Variants in RP1 observed in about 807,000 individuals in gnomAD.
The protein encoded by RP1 is RP1 axonemal microtubule associated.
Under a neutral mutation model 14.8 loss-of-function variants are expected in RP1, and 16 were observed. That is an observed-to-expected ratio of 1.08 (90% CI 0.73 to 1.65). The LOEUF is 1.65. Ranked by LOEUF, RP1 falls within the 40% of genes most tolerant of loss-of-function variation. The pLI, the probability that RP1 is intolerant of heterozygous loss-of-function variation, is 0.00. For synonymous variants in RP1, 876 were observed against 883.6 expected, an observed-to-expected ratio of 0.99 and a Z score of 0.15; for missense variants, 2,631 against 2,535.0, an observed-to-expected ratio of 1.04 and a Z score of -0.81.
At chr8:54,741,064 A>C (rs1809072772) in intron 19 of RP1, among the ~76,000 whole-genome samples, 1 of 152,110 alleles carries the variant, frequency 6.6e-6, no homozygotes, top group South Asian at 2.1e-4. Context: ...ATGGAATAAG[A>C]ATATAAAGAA....
chr8:54,650,518 AATCACT>A (rs1323667328), intron 4 of RP1, among the ~76,000 whole-genome samples: 1 of 152,190 alleles, frequency 6.6e-6, no homozygotes, highest in East Asian at 1.9e-4. Context: ...GTTATTCAAC[AATCACT>A]ATCTACTTTC....
chr8:54,621,029 T>G lies in RP1; in HGVS notation c.63T>G (p.Val21=), dbSNP rs752904456. ...ATCCTACGTCTTCTGAAGGTCAAGT[T>G]CCACCCCCTCGCCATTTGAGCCTCA... ...IIHPTSSEGQ[V]PPPRHLSLTH... is the part of the protein sequence containing the mutation. Residue 21 remains valine (V), a synonymous_variant, in exon 2 of 4, where the codon GTT becomes GTG. Transcript: ENST00000220676. 6.2e-7 allele frequency: 1 copy of G among 1,614,134 alleles called. No individual in the cohort carries two copies.
Position 54,621,348 on chromosome 8 carries a change from C to A in RP1, c.382C>A (p.Leu128Ile), listed in dbSNP as rs147116231. Reference protein sequence around the residue: ...DKARRRPRPWLSSRAISAHSP... With the variant: ...DKARRRPRPWISSRAISAHSP... ...AGCCCGTCGGCGCCCGCGGCCCTGG[C>A]TCAGCAGCCGGGCCATTAGCGCGCA... Residue 128 changes from leucine to isoleucine, a missense_variant, in exon 2 of 4, where the codon CTC (leucine) becomes ATC (isoleucine). Physicochemically the swap from Leu to Ile is conservative, Grantham distance 5. Coordinates refer to ENST00000220676, the MANE Select transcript of RP1 (RefSeq NM_006269.2). 4.9e-4 allele frequency: 788 copies of A among 1,611,730 alleles called. 4 individuals are homozygous for A. The African/African-American group carries it at 9.4e-3, about 19-fold the overall frequency.
chr8:54,774,683 CT>C (rs943380487), downstream of RP1, among the ~76,000 whole-genome samples: 2 of 151,784 alleles, frequency 1.3e-5, no homozygotes, highest in Non-Finnish European at 2.9e-5. Flanking sequence ...TGGCTCACAC[CT>C]TTTTTTTGGT....
intron 1 of RP1, among the ~76,000 whole-genome samples, chr8:54,606,446 C>A (rs1161960892): frequency 6.6e-6 from 1 of 151,928 alleles, no homozygotes; most frequent in Non-Finnish European, 1.5e-5. Context: ...TTGTGGGTAA[C>A]CCGACCTTTC....
intron 17 of RP1, among the ~76,000 whole-genome samples, chr8:54,726,920 C>T (rs547151919): frequency 6.6e-6 from 1 of 152,000 alleles, no homozygotes; most frequent in South Asian, 2.1e-4. Context: ...TATATTGGTC[C>T]ATTTGATAAT....
At chr8:54,722,395 C>T (rs1469306739) in intron 16 of RP1, among the ~76,000 whole-genome samples, 3 of 151,756 alleles carry the variant, frequency 2.0e-5, no homozygotes, top group Non-Finnish European at 4.4e-5. Context: ...CTCAGCCTCC[C>T]GAGTATCTGG....
intron 27 of RP1, among the ~76,000 whole-genome samples, chr8:54,862,460 T>C (rs1563399572): frequency 6.6e-6 from 1 of 152,188 alleles, no homozygotes; most frequent in Admixed American, 6.6e-5. Context: ...TAACTGAATT[T>C]CTTTGTCTGT....
At chr8:54,580,797 T>G (rs1241270717) in intron 1 of RP1, among the ~76,000 whole-genome samples, 1 of 151,890 alleles carries the variant, frequency 6.6e-6, no homozygotes, top group East Asian at 1.9e-4. Flanking sequence ...TTTTGTATTT[T>G]TAGTAGAGAC....
chr8:54,825,342 C>T (rs577237577), intron 24 of RP1, among the ~76,000 whole-genome samples: 1 of 152,122 alleles, frequency 6.6e-6, no homozygotes, highest in African/African-American at 2.4e-5. Context: ...CTGCCTTCAA[C>T]GTTCTTATTC....
At chr8:54,850,246 A>C (rs1812029227) in intron 25 of RP1, among the ~76,000 whole-genome samples, 3 of 152,212 alleles carry the variant, frequency 2.0e-5, no homozygotes, top group Admixed American at 6.5e-5. Flanking sequence ...CCTGAATGAC[A>C]GGTATTAGTA....
At chr8:54,824,974 AT>A (rs1811352547) in intron 24 of RP1, among the ~76,000 whole-genome samples, 1 of 148,408 alleles carries the variant, frequency 6.7e-6, no homozygotes, top group African/African-American at 2.5e-5. Flanking sequence ...TTTTTTTTTA[AT>A]TTATTTATGA....
intron 1 of RP1, among the ~76,000 whole-genome samples, chr8:54,584,825 C>T (rs941630362): frequency 2.0e-5 from 3 of 152,126 alleles, no homozygotes; most frequent in Non-Finnish European, 4.4e-5. Context: ...ATTGCAACCC[C>T]TGCCTTTTTT....
At chr8:54,837,075 C>A (rs1356609826) in intron 24 of RP1, among the ~76,000 whole-genome samples, 1 of 152,140 alleles carries the variant, frequency 6.6e-6, no homozygotes, top group African/African-American at 2.4e-5. Flanking sequence ...CAGGATCTCA[C>A]TGTAATGGGA....
chr8:54,603,441 C>G (rs2129305938), intron 1 of RP1, among the ~76,000 whole-genome samples: 1 of 152,168 alleles, frequency 6.6e-6, no homozygotes, highest in South Asian at 2.1e-4. Flanking sequence ...GTTACTGTAG[C>G]CTTGTAGTAT....
intron 7 of RP1, among the ~76,000 whole-genome samples, chr8:54,664,219 T>G (rs944956443): frequency 6.6e-6 from 1 of 152,146 alleles, no homozygotes; most frequent in African/African-American, 2.4e-5. Flanking sequence ...GTGACAGTAT[T>G]TCCTTTCTTT....
At position 54,626,635 on chromosome 8, in the gene RP1, G is replaced by A; in HGVS notation, c.2753G>A (p.Ser918Asn). The change falls in exon 4 of 4, where the codon AGT becomes AAT. Residue 918 changes from serine (S) to asparagine (N), a missense_variant. Physicochemically the swap from Ser to Asn is conservative, Grantham distance 46. Coordinates refer to ENST00000220676, the MANE Select transcript of RP1 (RefSeq NM_006269.2). ...AHHSIQNYIQ[S>N]WLQNINPYPT... ...CATTCAATTCAAAATTATATACAGAGTTGGTTGCAGAACATAAATCCATAT... is the reference window on the plus strand; with the variant it reads ...CATTCAATTCAAAATTATATACAGAATTGGTTGCAGAACATAAATCCATAT... 1 of 1,613,786 alleles carries A rather than the reference G, an allele frequency of 6.2e-7. No homozygotes were observed. Among genetic ancestry groups the A allele is most frequent in the Non-Finnish European group, 8.5e-7 (1 of 1,179,914 alleles).
intron 6 of RP1, among the ~76,000 whole-genome samples, chr8:54,661,267 A>C (rs1359986486): frequency 1.4e-5 from 2 of 142,034 alleles, no homozygotes; most frequent in Non-Finnish European, 3.0e-5. Flanking sequence ...AATGATATAT[A>C]TAAATGATAT....
At chr8:54,725,591 C>T (rs948340605) in intron 16 of RP1, among the ~76,000 whole-genome samples, 1 of 152,158 alleles carries the variant, frequency 6.6e-6, no homozygotes, top group Non-Finnish European at 1.5e-5. Context: ...ACATCGTTGA[C>T]TGCAATTGTG....
Sources: allele counts gnomAD v4.1 joint callset (sites outside exome capture counted in the v4.1 genomes callset), GRCh38; gene constraint gnomAD v4.1.1; transcripts MANE v1.5; gene names NCBI Gene and HGNC (gene_info 2026-07-23, HGNC 2026-07-21).